UBQLN1: variants seen among roughly 807,000 people sequenced by gnomAD.
UBQLN1 encodes ubiquilin 1.
In UBQLN1, 13 loss-of-function variants were observed where a neutral mutation model predicts 65.4. The ratio of observed to expected loss-of-function variants is 0.20; its 90% CI spans 0.13 to 0.32. The LOEUF is 0.32. UBQLN1 is among the 10% of genes least tolerant of loss of function. The pLI, the probability that UBQLN1 is intolerant of heterozygous loss-of-function variation, is 1.00. For missense variants in UBQLN1, 561 were observed against 724.0 expected (o/e 0.77, Z 2.58); for synonymous variants, 267 against 247.8 (o/e 1.08, Z -0.73).
intron 2 of UBQLN1, among the ~76,000 whole-genome samples, chr9:83,683,631 T>C (rs1336272649): frequency 1.3e-5 from 2 of 152,158 alleles, no homozygotes; most frequent in South Asian, 2.1e-4. Flanking sequence ...ATTTCATTAG[T>C]TTCAATCATA....
At position 83,678,659 on chromosome 9, in the gene UBQLN1, A is replaced by T. The variant is rs1831884992; in HGVS notation, c.712-60T>A. On this transcript the variant is annotated intron_variant, in intron 4 of 10. Coordinates refer to ENST00000376395, the MANE Select transcript of UBQLN1 (RefSeq NM_013438.5). ...AGGCATTGAAATACACATGAATTAC[A>T]TTAATTACTTTATTAACTGCCATTA... 9.9e-6 allele frequency: 15 copies of T among 1,509,296 alleles called. 1 individual carries two copies. Among genetic ancestry groups the T allele is most frequent in the South Asian group, 8.8e-5 (7 of 79,852 alleles). 93.5% of individuals were successfully genotyped at this position (1,509,296 alleles called of 1,614,324 possible).
At chr9:83,664,494 T>C (rs890065497) in intron 9 of UBQLN1, among the ~76,000 whole-genome samples, 1 of 152,098 alleles carries the variant, frequency 6.6e-6, no homozygotes, top group African/African-American at 2.4e-5. Context: ...AGCCAGGCAC[T>C]GTGTCCCAAC....
rs1430065403 is a variant in UBQLN1, at chr9:83,678,580, T to A, written c.731A>T (p.Asn244Ile). 1 of 1,608,430 alleles carries A rather than the reference T, an allele frequency of 6.2e-7. No individual in the cohort carries two copies. Among genetic ancestry groups the A allele is most frequent in the Non-Finnish European group, 8.5e-7 (1 of 1,178,356 alleles). ...CATCATCTCCTGCATCATTGCTGGA[T>A]TCCTGGCAAGTTCCAACGTCTACGA... ...IMRQTLELAR[N>I]PAMMQEMMRN... The change falls in exon 5 of 11, where the codon AAT (asparagine) becomes ATT (isoleucine). Residue 244 changes from asparagine (N) to isoleucine (I), a missense_variant. Around this residue, in one of 8 missense-constraint regions of UBQLN1, gnomAD observed 75 missense variants for 138.9 expected, o/e 0.54. Coordinates refer to ENST00000376395, the MANE Select transcript of UBQLN1 (RefSeq NM_013438.5).
intron 1 of UBQLN1, among the ~76,000 whole-genome samples, chr9:83,687,040 CTTACT>C (rs1315440271): frequency 4.6e-5 from 7 of 151,824 alleles, no homozygotes; most frequent in Non-Finnish European, 8.8e-5. Context: ...ATCCTTCCCA[CTTACT>C]TTATTCAATA....
intron 6 of UBQLN1, among the ~76,000 whole-genome samples, chr9:83,670,002 G>C (rs958929267): frequency 6.6e-6 from 1 of 152,122 alleles, no homozygotes; most frequent in African/African-American, 2.4e-5. Flanking sequence ...TTCATAGGGT[G>C]GTTGTAAGAA....
intron 6 of UBQLN1, among the ~76,000 whole-genome samples, chr9:83,672,080 T>C (rs1831742568): frequency 6.6e-6 from 1 of 152,210 alleles, no homozygotes; most frequent in African/African-American, 2.4e-5. Flanking sequence ...TTTCCAACTT[T>C]TCTTCTGCAG....
intron 3 of UBQLN1, among the ~76,000 whole-genome samples, chr9:83,681,785 G>T (rs1157292002): frequency 6.6e-6 from 1 of 152,160 alleles, no homozygotes; most frequent in African/African-American, 2.4e-5. Context: ...TACAAGAAAT[G>T]ATATATGCCA....
Position 83,686,132 on chromosome 9 carries a change from A to C in UBQLN1, c.204T>G (p.Arg68=). Residue 68 remains arginine (R), a synonymous_variant, in exon 2 of 11, where the codon CGT becomes CGG. Transcript: ENST00000376395. ...CAAGTTGGTCAGTATGTGATTTAAAACGTTTAGAGATTTCTTCCTTAAACT... is the reference window on the plus strand; with the variant it reads ...CAAGTTGGTCAGTATGTGATTTAAACCGTTTAGAGATTTCTTCCTTAAACT... ...VQQFKEEISK[R]FKSHTDQLVL... is the part of the protein sequence containing the mutation. 6.3e-7 allele frequency: 1 copy of C among 1,583,360 alleles called. No homozygotes were observed. Among genetic ancestry groups the C allele is most frequent in the Non-Finnish European group, 8.6e-7 (1 of 1,168,534 alleles).
intron 6 of UBQLN1, among the ~76,000 whole-genome samples, chr9:83,670,150 G>C (rs1190506229): frequency 6.6e-6 from 1 of 151,566 alleles, no homozygotes; most frequent in Non-Finnish European, 1.5e-5. Context: ...TAATTTGCTT[G>C]ACTCACACCT....
chr9:83,707,721 G>A lies in UBQLN1; in HGVS notation c.-42C>T, dbSNP rs1473300260. The A allele has an allele frequency of 6.0e-6, 9 of 1,512,142 alleles. No individual in the cohort carries two copies. The highest frequency in any genetic ancestry group is 2.8e-5 in the African/African-American group (2 of 70,398). 93.7% of individuals were successfully genotyped at this position (1,512,142 alleles called of 1,614,324 possible). A position where few individuals can be genotyped will look rare whatever the true frequency, so the allele number is the denominator to read the frequency against. ...GCGGCGGTGACTCAGGCAAGCAGGA[G>A]GGAGCAGGCGAGCAAGGAGGAGCCA... is the stretch of plus-strand genomic sequence containing the variant. On this transcript the variant is annotated 5_prime_UTR_variant, in exon 1 of 11. Coordinates refer to ENST00000376395, the MANE Select transcript of UBQLN1 (RefSeq NM_013438.5).
At chr9:83,665,487 C>T (rs868599535) in intron 8 of UBQLN1, 3 of 190,446 alleles carry the variant, frequency 1.6e-5, no homozygotes, top group African/African-American at 2.3e-5. Context: ...ATTCTTACGA[C>T]GTGGATATGG....
chr9:83,685,029 C>T (rs1453529539), intron 2 of UBQLN1, among the ~76,000 whole-genome samples: 1 of 152,070 alleles, frequency 6.6e-6, no homozygotes, highest in Non-Finnish European at 1.5e-5. Context: ...CAACTGAATG[C>T]CTGGGTACAC....
intron 6 of UBQLN1, among the ~76,000 whole-genome samples, chr9:83,675,023 T>G (rs541946201): frequency 6.6e-6 from 1 of 152,186 alleles, no homozygotes; most frequent in Non-Finnish European, 1.5e-5. Context: ...TATTCATCAG[T>G]AGGTACTCTG....
chr9:83,686,183 T>C, intron 1 of UBQLN1, 28 bp from the exon 2 acceptor site: 1 of 1,453,650 alleles, frequency 6.9e-7, no homozygotes, highest in Non-Finnish European at 9.3e-7. Context: ...AAGTATGTAT[T>C]ACAGTTGTTT....
intron 6 of UBQLN1, among the ~76,000 whole-genome samples, chr9:83,672,860 T>C (rs1180530147): frequency 3.9e-5 from 6 of 152,228 alleles, no homozygotes; most frequent in Admixed American, 6.5e-5. Flanking sequence ...TATTCTAAGA[T>C]AGGCTGGCAA....
chr9:83,678,073 G>A (rs1831871551), intron 5 of UBQLN1, 112 bp from the exon 6 acceptor site: 4 of 817,116 alleles, frequency 4.9e-6, no homozygotes, highest in African/African-American at 1.8e-5. Flanking sequence ...CCAGGCTGGA[G>A]TGCAGTGGCG....
chr9:83,684,645 C>G (rs1832007806), intron 2 of UBQLN1, among the ~76,000 whole-genome samples: 1 of 152,042 alleles, frequency 6.6e-6, no homozygotes, highest in African/African-American at 2.4e-5. Context: ...AACCCCGTCT[C>G]TATCAAAAAT....
chr9:83,700,749 G>A (rs768957650), intron 1 of UBQLN1, among the ~76,000 whole-genome samples: 3 of 152,172 alleles, frequency 2.0e-5, no homozygotes, highest in Admixed American at 2.0e-4. Context: ...TAACAGGTCA[G>A]GGAACTAGAA....
Position 83,707,894 on chromosome 9 carries a change from CG to C in UBQLN1, c.-216del. 1.6e-6 allele frequency: 1 copy of C among 607,256 alleles called. No individual in the cohort carries two copies. Among genetic ancestry groups the C allele is most frequent in the Non-Finnish European group, 2.6e-6 (1 of 379,570 alleles). The allele number at this position is 607,256 out of a possible 1,614,324, so 37.6% of individuals were successfully genotyped here. On this transcript the variant is annotated 5_prime_UTR_variant, in exon 1 of 11. Coordinates refer to ENST00000376395, the MANE Select transcript of UBQLN1 (RefSeq NM_013438.5). The stretch of plus-strand genomic sequence containing the variant: ...AGGCCCGGGTCAGGCGCTCGGCAGC[CG>C]CCGTGTGTTCAGGCGCCGCTCGCTC...
Sources: gnomAD v4.1 joint callset for allele counts (sites outside exome capture counted in the v4.1 genomes callset) on GRCh38, gnomAD v4.1.1 for gene constraint, gnomAD v4.1.1 regional missense constraint, MANE v1.5 for transcripts, NCBI Gene and HGNC (gene_info 2026-07-23, HGNC 2026-07-21) for gene names.